The following MYO1D variants were observed in gnomAD, a reference collection of about 807,000 sequenced individuals.
MYO1D encodes the protein myosin ID, also known as unconventional myosin-Id.
In MYO1D, 83 loss-of-function variants were observed where a neutral mutation model predicts 122.0. That is an observed-to-expected ratio of 0.68 (90% CI 0.57 to 0.82). The LOEUF is 0.82. Ranked by LOEUF, MYO1D falls within the 40% of genes least tolerant of loss-of-function variation. The pLI is 0.00. For missense variants in MYO1D, 1,157 were observed against 1,269.5 expected, an observed-to-expected ratio of 0.91 and a Z score of 1.35; for synonymous variants, 464 against 446.9, an observed-to-expected ratio of 1.04 and a Z score of -0.48.
intron 1 of MYO1D, among the ~76,000 whole-genome samples, chr17:32,803,547 T>G (rs1248993875): frequency 1.3e-5 from 2 of 152,156 alleles, no homozygotes; most frequent in Non-Finnish European, 2.9e-5. Context: ...GAAATTGGTT[T>G]GGGAAAAAAA....
intron 1 of MYO1D, among the ~76,000 whole-genome samples, chr17:32,801,787 C>G (rs2090463449): frequency 6.6e-6 from 1 of 152,140 alleles, no homozygotes; most frequent in Non-Finnish European, 1.5e-5. Flanking sequence ...TATCTACCAC[C>G]CAGTTCTTGA....
At chr17:32,796,995 G>A (rs1316404951) in intron 1 of MYO1D, among the ~76,000 whole-genome samples, 1 of 149,904 alleles carries the variant, frequency 6.7e-6, no homozygotes, top group Non-Finnish European at 1.5e-5. Flanking sequence ...TTTTTGAGAT[G>A]GAGTGTCGTT....
chr17:32,793,541 T>TA (rs2090380008), intron 1 of MYO1D, among the ~76,000 whole-genome samples: 1 of 152,212 alleles, frequency 6.6e-6, no homozygotes, highest in African/African-American at 2.4e-5. Flanking sequence ...AATCTCCACA[T>TA]AGACAGTTCT....
intron 1 of MYO1D, among the ~76,000 whole-genome samples, chr17:32,801,535 T>C (rs190414137): frequency 1.3e-4 from 20 of 152,250 alleles, no homozygotes; most frequent in Admixed American, 1.2e-3. Flanking sequence ...AAAATAAGTA[T>C]ATATGTTGAG....
intron 2 of MYO1D, 39 bp from the exon 3 acceptor site, chr17:32,778,612 T>A: frequency 6.5e-7 from 1 of 1,527,794 alleles, no homozygotes; most frequent in Non-Finnish European, 9.1e-7. Flanking sequence ...CATAATAATT[T>A]AAACCAAGAG....
At chr17:32,819,075 T>G (rs2151056339) in intron 1 of MYO1D, among the ~76,000 whole-genome samples, 1 of 152,344 alleles carries the variant, frequency 6.6e-6, no homozygotes, top group South Asian at 2.1e-4. Flanking sequence ...TAACTACAGA[T>G]GGCTATTCAC....
chr17:32,510,359 T>C (rs577204447), intron 21 of MYO1D: 2 of 152,400 alleles, frequency 1.3e-5, no homozygotes, highest in East Asian at 3.9e-4. Context: ...ACCCCCTCCC[T>C]GCACAGGCAC....
chr17:32,811,082 GA>G (rs1411551668), intron 1 of MYO1D, among the ~76,000 whole-genome samples: 2 of 152,192 alleles, frequency 1.3e-5, no homozygotes, highest in Non-Finnish European at 2.9e-5. Flanking sequence ...AAAGGATGAG[GA>G]AGACTTGAAA....
intron 1 of MYO1D, among the ~76,000 whole-genome samples, chr17:32,842,531 CTCTT>C (rs1164597008): frequency 6.6e-6 from 1 of 152,118 alleles, no homozygotes; most frequent in African/African-American, 2.4e-5. Context: ...CGCTCTCTTT[CTCTT>C]TCTCTCCCCC....
At chr17:32,500,701 G>A (rs140824928) in intron 21 of MYO1D, among the ~76,000 whole-genome samples, 13 of 152,294 alleles carry the variant, frequency 8.5e-5, no homozygotes, top group Admixed American at 3.3e-4. Flanking sequence ...AGCAGATAAC[G>A]AAGTCAGAAA....
At chr17:32,834,697 AAAAC>A (rs1294004447) in intron 1 of MYO1D, among the ~76,000 whole-genome samples, 2 of 152,180 alleles carry the variant, frequency 1.3e-5, no homozygotes, top group Non-Finnish European at 2.9e-5. Flanking sequence ...TACCTGCCCC[AAAAC>A]AAACACTGTT....
chr17:32,512,391 T>C (rs1396966012), intron 21 of MYO1D, among the ~76,000 whole-genome samples: 1 of 151,664 alleles, frequency 6.6e-6, no homozygotes, highest in African/African-American at 2.4e-5. Flanking sequence ...TCAAAAAAGC[T>C]CAGAGCCTGG....
intron 1 of MYO1D, among the ~76,000 whole-genome samples, chr17:32,827,944 C>T (rs1206796242): frequency 6.6e-6 from 1 of 152,160 alleles, no homozygotes; most frequent in Non-Finnish European, 1.5e-5. Context: ...GATAACATTA[C>T]AAAGCATTAA....
intron 5 of MYO1D, among the ~76,000 whole-genome samples, chr17:32,771,442 C>G (rs1365092204): frequency 6.6e-6 from 1 of 152,108 alleles, no homozygotes; most frequent in Non-Finnish European, 1.5e-5. Flanking sequence ...GAAAATTACT[C>G]TGAAAATGTC....
intron 13 of MYO1D, 127 bp downstream of exon 13, chr17:32,745,084 G>T: frequency 1.6e-6 from 1 of 626,616 alleles, no homozygotes; most frequent in Non-Finnish European, 2.8e-6. Flanking sequence ...TATTTATTAA[G>T]TCTGATAAAG....
At chr17:32,569,556 G>A (rs1229246826) in intron 21 of MYO1D, among the ~76,000 whole-genome samples, 1 of 152,200 alleles carries the variant, frequency 6.6e-6, no homozygotes, top group Non-Finnish European at 1.5e-5. Flanking sequence ...CCCAGACTGA[G>A]ACTGGGAACC....
intron 4 of MYO1D, among the ~76,000 whole-genome samples, chr17:32,773,919 T>C (rs1330821268): frequency 6.6e-6 from 1 of 152,090 alleles, no homozygotes; most frequent in East Asian, 1.9e-4. Context: ...ATCTTTCTTC[T>C]TTCTCTCCTG....
At chr17:32,655,419 A>G (rs1450818614) in intron 17 of MYO1D, among the ~76,000 whole-genome samples, 1 of 152,104 alleles carries the variant, frequency 6.6e-6, no homozygotes, top group African/African-American at 2.4e-5. Context: ...GAGGACCGGG[A>G]GTGTGGAAGA....
chr17:32,577,888 G>C (rs376609692), intron 21 of MYO1D, among the ~76,000 whole-genome samples: 1 of 151,976 alleles, frequency 6.6e-6, no homozygotes, highest in African/African-American at 2.4e-5. Flanking sequence ...ACAGGCACCC[G>C]CCACCACGCC....
Sources: gnomAD v4.1 joint callset for allele counts (sites outside exome capture counted in the v4.1 genomes callset) on GRCh38, gnomAD v4.1.1 for gene constraint, MANE v1.5 for transcripts, NCBI Gene and HGNC (gene_info 2026-07-23, HGNC 2026-07-21) for gene names.